ZSWIM2: variants seen among roughly 807,000 people sequenced by gnomAD.
The protein encoded by ZSWIM2 is zinc finger SWIM-type containing 2, also known as E3 ubiquitin-protein ligase ZSWIM2.
ZSWIM2 carries 38 observed loss-of-function variants against 48.4 expected under a neutral mutation model. The ratio of observed to expected loss-of-function variants is 0.79; its 90% CI spans 0.61 to 1.03. The LOEUF (loss-of-function observed/expected upper bound fraction) is 1.03. Ranked by LOEUF, ZSWIM2 falls within the 50% of genes least tolerant of loss-of-function variation. The probability of loss-of-function intolerance (pLI) is 0.00; values close to 1 mark genes in which losing one functional copy is unlikely to be tolerated. For synonymous variants in ZSWIM2, 240 were observed against 251.3 expected (o/e 0.96, Z 0.42); for missense variants, 776 against 730.2 (o/e 1.06, Z -0.72).
In ZSWIM2 at chr2:186,849,117, C is replaced by A. The variant is rs749528129; in HGVS notation, c.14G>T (p.Gly5Val). 2 of 1,611,330 alleles carry A rather than the reference C, an allele frequency of 1.2e-6. No individual in the cohort carries two copies. The highest frequency in any genetic ancestry group is 1.3e-5 in the African/African-American group (1 of 74,996). MLRR[G>V]YKASERRRHL... ...TCTTCGCCTTTCAGAGGCCTTATAG[C>A]CTCGGCGAAGCATGCTGGGTGCGGG... Residue 5 changes from glycine to valine, a missense_variant, in exon 1 of 9, where the codon GGC (glycine) becomes GTC (valine). Gly to Val is a moderately radical substitution (Grantham distance 109). Transcript: ENST00000295131.
chr2:186,829,476 A>G (rs1343853076), intron 8 of ZSWIM2, among the ~76,000 whole-genome samples: 1 of 152,168 alleles, frequency 6.6e-6, no homozygotes, highest in Non-Finnish European at 1.5e-5. Flanking sequence ...AAAGGAATCT[A>G]ACTTAAAGTA....
Position 186,848,901 on chromosome 2 carries a change from T to A in ZSWIM2, c.165+65A>T, listed in dbSNP as rs748409098. On this transcript the variant is annotated intron_variant, in intron 1 of 8. Coordinates refer to ENST00000295131, the MANE Select transcript of ZSWIM2 (RefSeq NM_182521.3). ...TGATGGTGGCTACGCACATTGGGTATGCCAGTGGGGGAACCTGGTGGGCGG... is the reference window on the plus strand; with the variant it reads ...TGATGGTGGCTACGCACATTGGGTAAGCCAGTGGGGGAACCTGGTGGGCGG... The A allele has an allele frequency of 6.3e-6, 10 of 1,595,118 alleles. No individual in the cohort carries two copies. The East Asian group carries it at 1.3e-4, about 21-fold the overall frequency.
intron 7 of ZSWIM2, among the ~76,000 whole-genome samples, chr2:186,832,642 T>G (rs1691723256): frequency 6.6e-6 from 1 of 152,152 alleles, no homozygotes; most frequent in South Asian, 2.1e-4. Flanking sequence ...TTGAATCTGT[T>G]TTTTATTTAA....
chr2:186,843,081 T>A (rs1475938632), intron 3 of ZSWIM2, among the ~76,000 whole-genome samples: 1 of 151,670 alleles, frequency 6.6e-6, no homozygotes, highest in Non-Finnish European at 1.5e-5. Context: ...TAAGTTAAAA[T>A]ACATATTAAA....
At chr2:186,846,796 T>C (rs60713074) in intron 2 of ZSWIM2, among the ~76,000 whole-genome samples, 1,440 of 67,188 alleles carry the variant, frequency 0.021, 21 homozygotes, top group South Asian at 0.07. Context: ...CATATATATA[T>C]ACACACACAC....
At chr2:186,839,921 A>G (rs766929886) in intron 3 of ZSWIM2, among the ~76,000 whole-genome samples, 14 of 151,486 alleles carry the variant, frequency 9.2e-5, no homozygotes, top group Non-Finnish European at 1.9e-4. Context: ...ACTCCTGAAC[A>G]TGTCATAATT....
At chr2:186,848,270 A>G (rs1692041478) in intron 1 of ZSWIM2, among the ~76,000 whole-genome samples, 2 of 151,780 alleles carry the variant, frequency 1.3e-5, no homozygotes, top group Admixed American at 6.5e-5. Flanking sequence ...TATTGAAGCA[A>G]CAAAGTAAAA....
At chr2:186,845,132 T>C (rs1691973347) in intron 2 of ZSWIM2, among the ~76,000 whole-genome samples, 1 of 151,448 alleles carries the variant, frequency 6.6e-6, no homozygotes, top group Non-Finnish European at 1.5e-5. Context: ...GTGTACCAAA[T>C]GGCTGTTTTC....
Position 186,849,141 on chromosome 2 carries a change from G to C in ZSWIM2, c.-11C>G, listed in dbSNP as rs761626263. The C allele has an allele frequency of 2.5e-6, 4 of 1,602,038 alleles. No individual in the cohort carries two copies. Among genetic ancestry groups the C allele is most frequent in the East Asian group, 4.5e-5 (2 of 44,556 alleles). On this transcript the variant is annotated 5_prime_UTR_variant, in exon 1 of 9. Coordinates refer to ENST00000295131, the MANE Select transcript of ZSWIM2 (RefSeq NM_182521.3). ...GCCTCGGCGAAGCATGCTGGGTGCGGGCGGAGGCGGCCCCTCTGCTCGGCT... is the reference window on the plus strand; with the variant it reads ...GCCTCGGCGAAGCATGCTGGGTGCGCGCGGAGGCGGCCCCTCTGCTCGGCT...
intron 3 of ZSWIM2, 98 bp from the exon 4 acceptor site, chr2:186,839,267 CAG>C (rs1158253602): frequency 6.4e-6 from 7 of 1,095,422 alleles, no homozygotes; most frequent in Non-Finnish European, 7.9e-6. Flanking sequence ...TTTCAAATAT[CAG>C]AGAGACAGTT....
At position 186,828,789 on chromosome 2, in the gene ZSWIM2, A is replaced by C. The variant is rs1035521198; in HGVS notation, c.1097T>G (p.Phe366Cys). The C allele has an allele frequency of 6.6e-7, 1 of 1,510,744 alleles. No individual in the cohort carries two copies. The highest frequency in any genetic ancestry group is 8.8e-7 in the Non-Finnish European group (1 of 1,132,114). The allele number at this position is 1,510,744 out of a possible 1,614,324, so 93.6% of individuals were successfully genotyped here. A position where few individuals can be genotyped will look rare whatever the true frequency, so the allele number is the denominator to read the frequency against. ...HTRLLPCTHK[F>C]HRKCIDNWLF... is the part of the protein sequence containing the mutation. ...CCAGTTGTCAATACACTTCCTGTGA[A>C]ACTTTAAAAAAAAGGTAAGCTAATC... The change falls in exon 9 of 9, where the codon TTT becomes TGT. Residue 366 changes from phenylalanine to cysteine, a missense_variant and splice_region_variant. Physicochemically the swap from Phe to Cys is radical, Grantham distance 205. Coordinates refer to ENST00000295131, the MANE Select transcript of ZSWIM2 (RefSeq NM_182521.3).
In ZSWIM2 at chr2:186,827,531, C is replaced by A. The variant is rs75227253; in HGVS notation, c.*453G>T. ...TATTTTCATTTTATGTATAAGAAAACTCCTTTATGGAGTTTTTTAAGGTTT... is the reference window on the plus strand; with the variant it reads ...TATTTTCATTTTATGTATAAGAAAAATCCTTTATGGAGTTTTTTAAGGTTT... On this transcript the variant is annotated 3_prime_UTR_variant, in exon 9 of 9. Transcript: ENST00000295131. Among the ~76,000 whole-genome samples, 4,341 of 149,740 alleles carry A rather than the reference C, an allele frequency of 0.029. 206 individuals carry two copies. Among genetic ancestry groups the A allele is most frequent in the African/African-American group, 0.1 (4,102 of 41,180 alleles).
chr2:186,848,743 GT>G, intron 1 of ZSWIM2: 2 of 497,816 alleles, frequency 4.0e-6, no homozygotes, highest in Non-Finnish European at 7.2e-6. Context: ...AAGAGTTGCA[GT>G]TTGGTCTTAA....
chr2:186,834,105 G>T (rs566699917), intron 5 of ZSWIM2, 75 bp from the exon 6 acceptor site: 15 of 1,093,472 alleles, frequency 1.4e-5, no homozygotes, highest in Middle Eastern at 2.0e-4. Context: ...GAAAAATTCT[G>T]ACCAAAACTT....
intron 5 of ZSWIM2, among the ~76,000 whole-genome samples, chr2:186,836,190 C>T (rs186993933): frequency 1.3e-5 from 2 of 152,218 alleles, no homozygotes; most frequent in Admixed American, 1.3e-4. Flanking sequence ...ACCTTATCCC[C>T]TCCATGACTG....
At position 186,828,400 on chromosome 2, in the gene ZSWIM2, A is replaced by G; in HGVS notation, c.1486T>C (p.Tyr496His). Residue 496 changes from tyrosine to histidine, a missense_variant, in exon 9 of 9, where the codon TAT becomes CAT. Physicochemically the swap from Tyr to His is moderately conservative, Grantham distance 83. Coordinates refer to ENST00000295131, the MANE Select transcript of ZSWIM2 (RefSeq NM_182521.3). ...DYKISQHFPRYLQDLPTVSFG... is the reference protein window; with the variant it reads ...DYKISQHFPRHLQDLPTVSFG... ...GACACAGTGGGTAAATCTTGAAGAT[A>G]CCTGGGAAAATGTTGGCTAATTTTA... 6.2e-7 allele frequency: 1 copy of G among 1,613,634 alleles called. No individual in the cohort carries two copies. Among genetic ancestry groups the G allele is most frequent in the Non-Finnish European group, 8.5e-7 (1 of 1,179,802 alleles).
At chr2:186,832,273 C>T (rs1257024748) in intron 7 of ZSWIM2, among the ~76,000 whole-genome samples, 2 of 148,218 alleles carry the variant, frequency 1.3e-5, no homozygotes, top group African/African-American at 2.5e-5. Flanking sequence ...TGCCACCACA[C>T]CCCGCTAATT....
At chr2:186,839,202 T>C (rs778710844) in intron 3 of ZSWIM2, 33 bp from the exon 4 acceptor site, 1 of 1,599,420 alleles carries the variant, frequency 6.3e-7, no homozygotes. Flanking sequence ...TAAAATCCAG[T>C]CATAAAATTG....
intron 6 of ZSWIM2, 29 bp downstream of exon 6, chr2:186,833,917 C>T (rs759976411): frequency 5.2e-6 from 8 of 1,550,888 alleles, no homozygotes; most frequent in Non-Finnish European, 6.2e-6. Flanking sequence ...AATAGAAACA[C>T]TGTATTAGAT....
Sources: allele counts gnomAD v4.1 joint callset (sites outside exome capture counted in the v4.1 genomes callset), GRCh38; gene constraint gnomAD v4.1.1; transcripts MANE v1.5; gene names NCBI Gene and HGNC (gene_info 2026-07-23, HGNC 2026-07-21).